CHSY3: variants seen among roughly 807,000 people sequenced by gnomAD.
The protein encoded by CHSY3 is N-acetylgalactosaminyl-proteoglycan 3-beta-glucuronosyltransferase 3.
CHSY3 carries 35 observed loss-of-function variants against 67.2 expected under a neutral mutation model. The ratio of observed to expected loss-of-function variants is 0.52; its 90% CI spans 0.40 to 0.69. CHSY3 has a LOEUF of 0.69. Among genes scored for constraint, CHSY3 ranks in the 30% least tolerant of loss-of-function variants. The pLI, the probability that CHSY3 is intolerant of heterozygous loss-of-function variation, is 0.00. For missense variants in CHSY3, 1,069 were observed against 1,138.5 expected, an observed-to-expected ratio of 0.94 and a Z score of 0.88; for synonymous variants, 474 against 434.7, an observed-to-expected ratio of 1.09 and a Z score of -1.12.
At chr5:129,961,777 C>T (rs1484390195) in intron 2 of CHSY3, among the ~76,000 whole-genome samples, 1 of 151,960 alleles carries the variant, frequency 6.6e-6, no homozygotes, top group Non-Finnish European at 1.5e-5. Flanking sequence ...CTGACATAAA[C>T]TTGTGCAACA....
intron 2 of CHSY3, among the ~76,000 whole-genome samples, chr5:129,930,400 T>C (rs1483712492): frequency 6.8e-6 from 1 of 147,946 alleles, no homozygotes; most frequent in African/African-American, 2.5e-5. Context: ...AGTGTAGCTA[T>C]GGAAACAAGA....
At chr5:130,086,941 T>G (rs2149689810) in intron 2 of CHSY3, among the ~76,000 whole-genome samples, 1 of 152,222 alleles carries the variant, frequency 6.6e-6, no homozygotes, top group Non-Finnish European at 1.5e-5. Context: ...CCAATATCCT[T>G]GATGAACAGT....
intron 2 of CHSY3, among the ~76,000 whole-genome samples, chr5:130,022,943 C>T (rs1365473518): frequency 6.6e-6 from 1 of 151,778 alleles, no homozygotes; most frequent in Non-Finnish European, 1.5e-5. Flanking sequence ...AAAATATGCC[C>T]TATATTTGTT....
chr5:130,018,214 A>G (rs908319212), intron 2 of CHSY3, among the ~76,000 whole-genome samples: 1 of 152,212 alleles, frequency 6.6e-6, no homozygotes, highest in Non-Finnish European at 1.5e-5. Flanking sequence ...TTTTTACAAA[A>G]AAAGTCCTAT....
At position 130,025,689 on chromosome 5, in the gene CHSY3, G is replaced by T. The variant is rs76649673; in HGVS notation, c.1086+117329G>T. ...TTGAGTCATAGACAGCTGTCTTTGG[G>T]CTGTGTCCTCCCATAGCAGAAGGGC... On this transcript the variant is annotated intron_variant, in intron 2 of 2. Transcript: ENST00000305031. 9.9e-3 allele frequency among the ~76,000 whole-genome samples: 1,510 copies of T among 152,078 alleles called. 28 individuals carry two copies. The highest frequency in any genetic ancestry group is 0.035 in the African/African-American group (1,455 of 41,502).
At chr5:130,020,436 T>A (rs1396909923) in intron 2 of CHSY3, among the ~76,000 whole-genome samples, 7 of 1,560 alleles carry the variant, frequency 4.5e-3, no homozygotes, top group African/African-American at 0.012. Context: ...TATATATATA[T>A]ATATATATAT....
Position 130,015,619 on chromosome 5 carries a change from A to C in CHSY3, c.1086+107259A>C, listed in dbSNP as rs114036092. Among the ~76,000 whole-genome samples, 1,442 of 152,340 alleles carry C rather than the reference A, an allele frequency of 9.5e-3. 21 individuals carry two copies. The highest frequency in any genetic ancestry group is 0.033 in the African/African-American group (1,352 of 41,576). On this transcript the variant is annotated intron_variant, in intron 2 of 2. Coordinates refer to ENST00000305031, the MANE Select transcript of CHSY3 (RefSeq NM_175856.5). ...CTGGTGAGATTGTGGAGAAAGGGGA[A>C]GACTTACACAGTGCTGGAGGGAATG...
chr5:129,998,447 A>T (rs560087057), intron 2 of CHSY3, among the ~76,000 whole-genome samples: 1 of 152,332 alleles, frequency 6.6e-6, no homozygotes, highest in Non-Finnish European at 1.5e-5. Context: ...TACAATAATT[A>T]TTATGGTAAA....
chr5:129,931,016 A>G (rs937319797), intron 2 of CHSY3, among the ~76,000 whole-genome samples: 5 of 152,138 alleles, frequency 3.3e-5, no homozygotes, highest in African/African-American at 1.2e-4. Flanking sequence ...ATTTTATTAC[A>G]GTCTGCCTAT....
chr5:129,904,232 C>A (rs566117865), upstream of CHSY3, among the ~76,000 whole-genome samples: 32 of 149,186 alleles, frequency 2.1e-4, no homozygotes, highest in African/African-American at 8.0e-4. Flanking sequence ...GGCGGCCCGA[C>A]AGGGATCGTT....
intron 2 of CHSY3, among the ~76,000 whole-genome samples, chr5:130,135,283 T>C (rs114143634): frequency 0.014 from 2,041 of 150,708 alleles, 46 homozygotes; most frequent in African/African-American, 0.046. Context: ...TATATATATA[T>C]ACACACACAC....
chr5:130,011,807 A>T (rs547311219), intron 2 of CHSY3, among the ~76,000 whole-genome samples: 4 of 152,234 alleles, frequency 2.6e-5, no homozygotes, highest in Non-Finnish European at 4.4e-5. Flanking sequence ...CAGTGTTTCT[A>T]TACACAAATA....
At chr5:129,959,160 A>G (rs1054387643) in intron 2 of CHSY3, among the ~76,000 whole-genome samples, 1 of 152,114 alleles carries the variant, frequency 6.6e-6, no homozygotes. Context: ...ACTGCTAGAC[A>G]TTAATCTTGT....
At chr5:130,024,785 C>T (rs896541405) in intron 2 of CHSY3, among the ~76,000 whole-genome samples, 2 of 152,032 alleles carry the variant, frequency 1.3e-5, no homozygotes. Context: ...CAGACTGCTC[C>T]CTAATGTCAC....
intron 2 of CHSY3, among the ~76,000 whole-genome samples, chr5:130,102,987 CCT>C (rs1466052084): frequency 1.3e-5 from 2 of 151,772 alleles, no homozygotes; most frequent in East Asian, 3.9e-4. Flanking sequence ...TATTTATTTG[CCT>C]AACAACAAAA....
chr5:130,070,420 GA>G (rs1277287447), intron 2 of CHSY3, among the ~76,000 whole-genome samples: 2 of 152,104 alleles, frequency 1.3e-5, no homozygotes, highest in African/African-American at 4.8e-5. Flanking sequence ...CACAGTGATT[GA>G]AAGGCAAAGA....
intron 2 of CHSY3, among the ~76,000 whole-genome samples, chr5:129,944,088 A>C: frequency 6.6e-6 from 1 of 152,338 alleles, no homozygotes; most frequent in Admixed American, 6.5e-5. Flanking sequence ...CCTGGGCTTC[A>C]ATGCTAAGTT....
intron 2 of CHSY3, among the ~76,000 whole-genome samples, chr5:129,952,496 C>G (rs1370842389): frequency 1.3e-5 from 2 of 152,102 alleles, no homozygotes; most frequent in Non-Finnish European, 2.9e-5. Flanking sequence ...GCTAATTTGC[C>G]TAATAATCTA....
At chr5:129,915,280 T>G (rs1185865668) in intron 2 of CHSY3, among the ~76,000 whole-genome samples, 5 of 152,152 alleles carry the variant, frequency 3.3e-5, no homozygotes, top group Non-Finnish European at 7.4e-5. Flanking sequence ...AAAGCCTAAG[T>G]AAACTGAAAA....
Sources: allele counts gnomAD v4.1 joint callset (sites outside exome capture counted in the v4.1 genomes callset), GRCh38; gene constraint gnomAD v4.1.1; transcripts MANE v1.5; gene names NCBI Gene and HGNC (gene_info 2026-07-23, HGNC 2026-07-21).